Variants in CETN3 observed in about 807,000 individuals in gnomAD.
CETN3 encodes the protein centrin 3, also known as centrin-3.
CETN3 carries 17 observed loss-of-function variants against 20.1 expected under a neutral mutation model. That is an observed-to-expected ratio of 0.85 (90% CI 0.58 to 1.27). The LOEUF (loss-of-function observed/expected upper bound fraction) is 1.27. Ranked by LOEUF, CETN3 falls within the 50% of genes most tolerant of loss-of-function variation. The probability of loss-of-function intolerance (pLI) is 0.00; values close to 1 mark genes in which losing one functional copy is unlikely to be tolerated. For missense variants in CETN3, 169 were observed against 191.2 expected (o/e 0.88, Z 0.69); for synonymous variants, 52 against 59.7 (o/e 0.87, Z 0.59).
chr5:90,407,884 A>C, intron 1 of CETN3, 50 bp from the exon 2 acceptor site: 1 of 1,425,120 alleles, frequency 7.0e-7, no homozygotes, highest in Non-Finnish European at 9.3e-7. Context: ...TCTCTTTACT[A>C]ACAGAAATTA....
At chr5:90,405,575 A>G (rs1392185506) in intron 3 of CETN3, 110 bp downstream of exon 3, 11 of 711,506 alleles carry the variant, frequency 1.5e-5, no homozygotes, top group Non-Finnish European at 2.4e-5. Context: ...ATTATACACC[A>G]GTGTTCTATA....
intron 1 of CETN3, 75 bp downstream of exon 1, chr5:90,409,570 T>A: frequency 6.4e-7 from 1 of 1,569,334 alleles, no homozygotes; most frequent in Non-Finnish European, 8.8e-7. Flanking sequence ...GCCCCAAACG[T>A]CCTCCCTTCC....
At chr5:90,396,875 G>A (rs931746880) in intron 4 of CETN3, among the ~76,000 whole-genome samples, 2 of 151,890 alleles carry the variant, frequency 1.3e-5, no homozygotes, top group African/African-American at 4.8e-5. Context: ...CCTCACATCT[G>A]CAGATTCAAC....
At chr5:90,396,106 A>G (rs1279344563) in intron 4 of CETN3, 1 of 971,522 alleles carries the variant, frequency 1.0e-6, no homozygotes, top group Non-Finnish European at 1.2e-6. Context: ...TAAAATAAAA[A>G]TACAGAATTT....
At chr5:90,400,797 C>CA (rs1335998138) in intron 3 of CETN3, among the ~76,000 whole-genome samples, 1 of 151,922 alleles carries the variant, frequency 6.6e-6, no homozygotes, top group Non-Finnish European at 1.5e-5. Context: ...TAATTTTATC[C>CA]AAAAAGGCTT....
At position 90,409,589 on chromosome 5, in the gene CETN3, C is replaced by G. The variant is rs909185009; in HGVS notation, c.17+56G>C. 3 of 1,607,360 alleles carry G rather than the reference C, an allele frequency of 1.9e-6. No individual in the cohort carries two copies. In the African/African-American group the frequency reaches 4.0e-5, roughly 21 times the overall value. On this transcript the variant is annotated intron_variant, in intron 1 of 4. Transcript: ENST00000283122. The stretch of plus-strand genomic sequence containing the variant: ...CAAACGTCCTCCCTTCCACACACAC[C>G]CTCCCTGGGCCCCGCTCCGGGGTGT...
chr5:90,401,569 CATCAA>C (rs545237334), intron 3 of CETN3, among the ~76,000 whole-genome samples: 159 of 152,236 alleles, frequency 1.0e-3, no homozygotes, highest in African/African-American at 3.6e-3. Flanking sequence ...AAAAACATCA[CATCAA>C]AAGTAAATTA....
At chr5:90,407,023 A>T (rs927333063) in intron 2 of CETN3, among the ~76,000 whole-genome samples, 3 of 152,052 alleles carry the variant, frequency 2.0e-5, no homozygotes, top group African/African-American at 7.2e-5. Flanking sequence ...ACAAAAATTA[A>T]AACTACCAAA....
chr5:90,406,294 A>C (rs917719041), intron 2 of CETN3, among the ~76,000 whole-genome samples: 5 of 152,012 alleles, frequency 3.3e-5, no homozygotes, highest in African/African-American at 1.2e-4. Flanking sequence ...AAGGAAGGAG[A>C]CATATTACTG....
intron 4 of CETN3, among the ~76,000 whole-genome samples, chr5:90,397,023 G>C (rs1418384299): frequency 1.3e-5 from 2 of 152,024 alleles, no homozygotes; most frequent in Admixed American, 1.3e-4. Flanking sequence ...GTATACAAGA[G>C]GATATGTGAA....
chr5:90,408,738 T>G (rs899605843), intron 1 of CETN3, among the ~76,000 whole-genome samples: 1 of 150,854 alleles, frequency 6.6e-6, no homozygotes, highest in Admixed American at 6.6e-5. Flanking sequence ...GTCAAACCAG[T>G]TGACTGTACT....
intron 4 of CETN3, among the ~76,000 whole-genome samples, chr5:90,397,320 T>C (rs1474221820): frequency 6.6e-6 from 1 of 152,148 alleles, no homozygotes; most frequent in Admixed American, 6.5e-5. Flanking sequence ...CAATATCTTA[T>C]ATCAAGTTCC....
intron 3 of CETN3, among the ~76,000 whole-genome samples, chr5:90,403,017 C>T (rs187129962): frequency 1.3e-5 from 2 of 152,262 alleles, no homozygotes; most frequent in East Asian, 1.9e-4. Flanking sequence ...AGTGTACAAA[C>T]GTTTGACTTA....
intron 1 of CETN3, among the ~76,000 whole-genome samples, chr5:90,409,362 T>C (rs1201676264): frequency 6.6e-6 from 1 of 152,148 alleles, no homozygotes; most frequent in Non-Finnish European, 1.5e-5. Flanking sequence ...CTCGCGATAT[T>C]TCATTCCCAC....
intron 3 of CETN3, among the ~76,000 whole-genome samples, chr5:90,400,934 T>C (rs1167452722): frequency 6.6e-6 from 1 of 152,110 alleles, no homozygotes; most frequent in Non-Finnish European, 1.5e-5. Flanking sequence ...CTTAACTCTA[T>C]GGCACATACT....
intron 1 of CETN3, among the ~76,000 whole-genome samples, chr5:90,408,837 G>C (rs577711266): frequency 6.6e-6 from 1 of 151,302 alleles, no homozygotes; most frequent in Non-Finnish European, 1.5e-5. Context: ...TGACTAGTAG[G>C]TGCAGTATAA....
chr5:90,405,499 C>T (rs1343555005), intron 3 of CETN3, 186 bp downstream of exon 3: 4 of 545,536 alleles, frequency 7.3e-6, no homozygotes, highest in Non-Finnish European at 1.3e-5. Flanking sequence ...AACTATAAAT[C>T]TCAGAGCAAA....
At chr5:90,405,413 C>T (rs1405869631) in intron 3 of CETN3, 1 of 421,996 alleles carries the variant, frequency 2.4e-6, no homozygotes, top group Non-Finnish European at 4.1e-6. Context: ...ATACAAACAA[C>T]TTGGAAAAGC....
intron 2 of CETN3, among the ~76,000 whole-genome samples, chr5:90,407,108 T>C (rs1749472808): frequency 6.6e-6 from 1 of 152,082 alleles, no homozygotes; most frequent in Non-Finnish European, 1.5e-5. Flanking sequence ...GTGCTGAAAG[T>C]AAGTCCCATT....
Sources: gnomAD v4.1 joint callset for allele counts (sites outside exome capture counted in the v4.1 genomes callset) on GRCh38, gnomAD v4.1.1 for gene constraint, MANE v1.5 for transcripts, NCBI Gene and HGNC (gene_info 2026-07-23, HGNC 2026-07-21) for gene names.